The following INPP4B variants were observed in gnomAD, a reference collection of about 807,000 sequenced individuals.
The protein encoded by INPP4B is inositol polyphosphate-4-phosphatase type II B.
A neutral mutation model predicts 122.5 loss-of-function variants in INPP4B; 55 were observed. That is an observed-to-expected ratio of 0.45 (90% CI 0.36 to 0.56). INPP4B has a LOEUF of 0.56. Ranked by LOEUF, INPP4B falls within the 20% of genes least tolerant of loss-of-function variation. The pLI is 0.00. For synonymous variants in INPP4B, 403 were observed against 388.7 expected (o/e 1.04, Z -0.43); for missense variants, 1,000 against 1,097.7 (o/e 0.91, Z 1.26).
chr4:142,238,652 T>C (rs1480688471), intron 11 of INPP4B, among the ~76,000 whole-genome samples: 1 of 152,068 alleles, frequency 6.6e-6, no homozygotes, highest in African/African-American at 2.4e-5. Context: ...TCTGAAACCA[T>C]GTATTATCAG....
chr4:142,259,523 AAAATTGTTATAATTGTTAT>A (rs976674106), intron 11 of INPP4B, among the ~76,000 whole-genome samples: 3 of 151,584 alleles, frequency 2.0e-5, no homozygotes, highest in Admixed American at 6.6e-5. Flanking sequence ...CAATGTGGAA[AAAATTGTTATAATTGTTAT>A]AAATTGTTTA....
intron 11 of INPP4B, among the ~76,000 whole-genome samples, chr4:142,253,604 G>A (rs1733749531): frequency 6.6e-6 from 1 of 152,196 alleles, no homozygotes; most frequent in Non-Finnish European, 1.5e-5. Context: ...GACGGCACCT[G>A]GAAAATCGGG....
intron 1 of INPP4B, among the ~76,000 whole-genome samples, chr4:142,765,689 G>A (rs536381902): frequency 5.9e-5 from 9 of 152,156 alleles, no homozygotes; most frequent in African/African-American, 2.2e-4. Context: ...GGGAGATATC[G>A]GTTAAACCAG....
rs1761243605 is a variant in INPP4B at position 142,698,004 on chromosome 4, TATA to T, written c.-191+27832_-191+27834del. Among the ~76,000 whole-genome samples the T allele has an allele frequency of 4.6e-5, 7 of 152,312 alleles. No individual in the cohort carries two copies. In the South Asian group the frequency reaches 1.5e-3, roughly 32 times the overall value. On this transcript the variant is annotated intron_variant, in intron 2 of 25. Transcript: ENST00000262992. ...GGGCTATAATTTAAGGTTAGCTTCT[TATA>T]ATATGAAACATGCTTGAATTTAAAA...
intron 1 of INPP4B, among the ~76,000 whole-genome samples, chr4:142,828,531 G>A (rs1781720881): frequency 6.6e-6 from 1 of 151,958 alleles, no homozygotes; most frequent in African/African-American, 2.4e-5. Context: ...GCTAGTGGAA[G>A]TCCATGATAT....
intron 25 of INPP4B, among the ~76,000 whole-genome samples, chr4:142,062,602 G>A (rs1350383249): frequency 3.3e-5 from 5 of 151,964 alleles, no homozygotes; most frequent in Non-Finnish European, 2.9e-5. Context: ...TGGGCATGGC[G>A]GTGCGCACCT....
intron 9 of INPP4B, among the ~76,000 whole-genome samples, chr4:142,278,035 C>T (rs1353741541): frequency 2.0e-5 from 3 of 151,872 alleles, no homozygotes; most frequent in Non-Finnish European, 4.4e-5. Flanking sequence ...CAAACACCAT[C>T]TGCTCCTCAA....
chr4:142,570,721 C>A (rs1317863969), intron 2 of INPP4B, among the ~76,000 whole-genome samples: 3 of 151,616 alleles, frequency 2.0e-5, no homozygotes, highest in Non-Finnish European at 4.4e-5. Context: ...TTTTACAGAC[C>A]TCAGATGAAC....
intron 2 of INPP4B, among the ~76,000 whole-genome samples, chr4:142,467,615 T>C (rs1464010179): frequency 6.6e-6 from 1 of 152,118 alleles, no homozygotes; most frequent in Non-Finnish European, 1.5e-5. Flanking sequence ...GACTTTAGAC[T>C]TGGGACTTCT....
chr4:142,274,598 TATC>T (rs1747478657), intron 9 of INPP4B, among the ~76,000 whole-genome samples: 1 of 151,898 alleles, frequency 6.6e-6, no homozygotes, highest in Non-Finnish European at 1.5e-5. Context: ...TTTCTTATAA[TATC>T]ATATTATATA....
At chr4:142,672,901 T>C (rs1038679735) in intron 2 of INPP4B, among the ~76,000 whole-genome samples, 1 of 152,190 alleles carries the variant, frequency 6.6e-6, no homozygotes, top group Admixed American at 6.6e-5. Context: ...ACTGAGTTAA[T>C]GTTTGTATAT....
chr4:142,795,822 C>T (rs6831562), intron 1 of INPP4B, among the ~76,000 whole-genome samples: 51,688 of 151,820 alleles, frequency 0.34, 9,535 homozygotes, highest in African/African-American at 0.47. Flanking sequence ...GATTAATAAA[C>T]TGTACCTTTA....
intron 2 of INPP4B, among the ~76,000 whole-genome samples, chr4:142,686,286 G>T (rs1312256261): frequency 6.6e-6 from 1 of 152,096 alleles, no homozygotes; most frequent in East Asian, 1.9e-4. Context: ...TGTAAATTAA[G>T]AACCCTTATT....
chr4:142,394,863 A>G (rs1312177320), intron 7 of INPP4B, among the ~76,000 whole-genome samples: 2 of 152,170 alleles, frequency 1.3e-5, no homozygotes, highest in African/African-American at 4.8e-5. Flanking sequence ...TTGGGGTCAC[A>G]GCCAAAATAT....
intron 25 of INPP4B, among the ~76,000 whole-genome samples, chr4:142,035,104 C>T (rs1743015697): frequency 6.6e-6 from 1 of 152,186 alleles, no homozygotes; most frequent in African/African-American, 2.4e-5. Flanking sequence ...TCAAGCCTGG[C>T]ACAGGAGGAT....
At chr4:142,582,258 A>G (rs772821772) in intron 2 of INPP4B, among the ~76,000 whole-genome samples, 9 of 152,116 alleles carry the variant, frequency 5.9e-5, no homozygotes, top group Non-Finnish European at 1.2e-4. Context: ...TTACTAAAGT[A>G]TAAATTAGTT....
At chr4:142,377,158 A>T (rs988143385) in intron 7 of INPP4B, among the ~76,000 whole-genome samples, 18 of 151,964 alleles carry the variant, frequency 1.2e-4, no homozygotes, top group East Asian at 1.9e-4. Context: ...AAAAATTTTT[A>T]AAACAAATTT....
chr4:142,283,758 G>A (rs950384366), intron 9 of INPP4B, among the ~76,000 whole-genome samples: 5 of 152,136 alleles, frequency 3.3e-5, no homozygotes, highest in Non-Finnish European at 5.9e-5. Context: ...ATTATGTGAT[G>A]CATCGCATAT....
chr4:142,541,518 CTT>C (rs34176648), intron 2 of INPP4B, among the ~76,000 whole-genome samples: 2 of 151,946 alleles, frequency 1.3e-5, no homozygotes, highest in Non-Finnish European at 2.9e-5. Context: ...AGACTAGGCA[CTT>C]TTTTTCTTTA....
Sources: gnomAD v4.1 joint callset for allele counts (sites outside exome capture counted in the v4.1 genomes callset) on GRCh38, gnomAD v4.1.1 for gene constraint, MANE v1.5 for transcripts, NCBI Gene and HGNC (gene_info 2026-07-23, HGNC 2026-07-21) for gene names.